The following ANO7 variants were observed in gnomAD, a reference collection of about 807,000 sequenced individuals.
ANO7 encodes anoctamin-7.
A neutral mutation model predicts 115.8 loss-of-function variants in ANO7; 114 were observed. The ratio of observed to expected loss-of-function variants is 0.98; its 90% CI spans 0.85 to 1.15. ANO7 has a LOEUF of 1.15. Ranked by LOEUF, ANO7 falls within the 50% of genes most tolerant of loss-of-function variation. ANO7 has a pLI of 0.00. For synonymous variants in ANO7, 550 were observed against 498.2 expected, an observed-to-expected ratio of 1.10 and a Z score of -1.38; for missense variants, 1,302 against 1,201.2, an observed-to-expected ratio of 1.08 and a Z score of -1.24.
chr2:241,204,350 G>A (rs2149179217), intron 9 of ANO7, among the ~76,000 whole-genome samples: 1 of 152,086 alleles, frequency 6.6e-6, no homozygotes, highest in South Asian at 2.1e-4. Context: ...CCCTATGGGA[G>A]GCAGTGGGGG....
chr2:241,215,362 C>T (rs1253326324), intron 18 of ANO7, among the ~76,000 whole-genome samples: 1 of 152,220 alleles, frequency 6.6e-6, no homozygotes, highest in Non-Finnish European at 1.5e-5. Flanking sequence ...GACCACAAGG[C>T]TCCCATAGCC....
chr2:241,207,480 A>G (rs891534311), intron 10 of ANO7, 94 bp from the exon 11 acceptor site: 15 of 941,532 alleles, frequency 1.6e-5, no homozygotes, highest in African/African-American at 4.8e-5. Context: ...CAGAGAGGAC[A>G]AGGGAGAGAG....
downstream of ANO7, chr2:241,227,476 CT>C (rs1175380746): frequency 2.0e-5 from 3 of 152,586 alleles, no homozygotes; most frequent in Non-Finnish European, 4.4e-5. Context: ...CGCCTCACCC[CT>C]GCCTCATCTC....
At chr2:241,214,939 A>T (rs757217747) in intron 18 of ANO7, 37 bp downstream of exon 18, 1 of 1,590,646 alleles carries the variant, frequency 6.3e-7, no homozygotes, top group Non-Finnish European at 8.6e-7. Context: ...GCATCCAAGG[A>T]CCGAGGGACC....
At chr2:241,239,817 T>C in the ANO7 span, 2 of 1,613,386 alleles carry the variant, frequency 1.2e-6, no homozygotes, top group Non-Finnish European at 1.7e-6. The surrounding 1 kb of genome is among the most constrained non-coding windows in gnomAD (Gnocchi z 4.6). Context: ...TCCACCACAT[T>C]ATCCTGCAGT....
the ANO7 span, among the ~76,000 whole-genome samples, chr2:241,235,917 G>A: frequency 6.6e-6 from 1 of 152,082 alleles, no homozygotes; most frequent in Non-Finnish European, 1.5e-5. Flanking sequence ...TTTGACCGAT[G>A]CCCATGAGGT....
At chr2:241,223,977 C>T in intron 24 of ANO7, 22 bp downstream of exon 24, 1 of 1,613,956 alleles carries the variant, frequency 6.2e-7, no homozygotes, top group Non-Finnish European at 8.5e-7. Flanking sequence ...AGCAGCCAGG[C>T]CCCTGCCCCG....
intron 2 of ANO7, among the ~76,000 whole-genome samples, 158 bp downstream of exon 2, chr2:241,190,329 AAC>A (rs1369821685): frequency 1.3e-5 from 2 of 152,094 alleles, no homozygotes; most frequent in Admixed American, 6.5e-5. Context: ...CCCAGTCCTC[AAC>A]ACACACAGTC....
chr2:241,209,994 G>A (rs1335705293), intron 13 of ANO7, among the ~76,000 whole-genome samples: 4 of 152,200 alleles, frequency 2.6e-5, no homozygotes, highest in Non-Finnish European at 4.4e-5. Context: ...TCACTCCCCT[G>A]CCAAGATGTC....
chr2:241,205,573 C>A lies in ANO7; in HGVS notation c.980+618C>A, dbSNP rs540753767. ...GTGGACAGGAGTGCTCCCAGTCTGACAGGTGGACAGGAGTGCTCCCAGGCT... is the reference window on the plus strand; with the variant it reads ...GTGGACAGGAGTGCTCCCAGTCTGAAAGGTGGACAGGAGTGCTCCCAGGCT... On this transcript the variant is annotated intron_variant, in intron 10 of 24. Coordinates refer to ENST00000674324, the MANE Select transcript of ANO7 (RefSeq NM_001370694.2). 1.1e-3 allele frequency among the ~76,000 whole-genome samples: 152 copies of A among 133,270 alleles called. 6 individuals carry two copies. Among genetic ancestry groups the A allele is most frequent in the African/African-American group, 4.3e-3 (147 of 33,918 alleles). 87.4% of individuals were successfully genotyped at this position (133,270 alleles called of 152,430 possible). A position where few individuals can be genotyped will look rare whatever the true frequency, so the allele number is the denominator to read the frequency against.
chr2:241,236,653 G>A, the ANO7 span: 16 of 1,613,950 alleles, frequency 9.9e-6, no homozygotes, highest in Admixed American at 3.3e-5. Context: ...TTTTCTTTCC[G>A]GCCAGAGATG....
At chr2:241,239,564 G>A in the ANO7 span, 20 of 1,536,884 alleles carry the variant, frequency 1.3e-5, no homozygotes, top group Admixed American at 6.7e-5. This position sits in a 1 kb window ranked among gnomAD's most constrained non-coding sequence, Gnocchi z 4.6. Context: ...GTGGCCACTG[G>A]GGGGTGAGAA....
chr2:241,214,145 C>T (rs767668882), intron 17 of ANO7, among the ~76,000 whole-genome samples: 9 of 152,138 alleles, frequency 5.9e-5, no homozygotes, highest in East Asian at 1.9e-4. Flanking sequence ...ATTGGCCAGG[C>T]GTGATGGCAC....
At chr2:241,212,755 C>G in intron 17 of ANO7, 129 bp downstream of exon 17, 1 of 1,015,906 alleles carries the variant, frequency 9.8e-7, no homozygotes. Context: ...CAGCCAGGGC[C>G]AGCTGTGCAG....
At chr2:241,202,412 G>T (rs564630065) in intron 8 of ANO7, 108 bp downstream of exon 8, 6 of 931,462 alleles carry the variant, frequency 6.4e-6, no homozygotes, top group Non-Finnish European at 1.0e-5. Flanking sequence ...CAGCCGGCGT[G>T]GCCACCCAGG....
intron 22 of ANO7, 153 bp from the exon 23 acceptor site, chr2:241,223,509 T>G: frequency 1.6e-6 from 2 of 1,244,700 alleles, no homozygotes; most frequent in East Asian, 2.5e-5. Context: ...AAAGCTGGGG[T>G]GGCCTCTGCC....
chr2:241,230,528 G>A (rs528231324), downstream of ANO7, among the ~76,000 whole-genome samples: 8 of 152,328 alleles, frequency 5.3e-5, no homozygotes, highest in South Asian at 6.2e-4. The surrounding 1 kb of genome is among the most constrained non-coding windows in gnomAD (Gnocchi z 5.0). Context: ...GGACGAGCTC[G>A]CCAGGCAGCT....
downstream of ANO7, chr2:241,230,399 G>C: frequency 1.5e-6 from 1 of 663,400 alleles, no homozygotes; most frequent in South Asian, 1.9e-5. This position sits in a 1 kb window ranked among gnomAD's most constrained non-coding sequence, Gnocchi z 5.0. Context: ...GAGTTGTTCT[G>C]AAGTCAGTCA....
intron 4 of ANO7, among the ~76,000 whole-genome samples, chr2:241,197,514 G>C (rs2068372573): frequency 6.6e-6 from 1 of 152,140 alleles, no homozygotes; most frequent in Non-Finnish European, 1.5e-5. Context: ...AGCCTCCTGA[G>C]TAGCTGGGAC....
Sources: gnomAD v4.1 joint callset for allele counts (sites outside exome capture counted in the v4.1 genomes callset) on GRCh38, gnomAD v4.1.1 for gene constraint, Gnocchi (gnomAD v3.1) non-coding constraint, MANE v1.5 for transcripts, NCBI Gene and HGNC (gene_info 2026-07-23, HGNC 2026-07-21) for gene names.